Variants in ZNF804B observed in about 807,000 individuals in gnomAD.
ZNF804B encodes the protein zinc finger protein 804B.
Under a neutral mutation model 101.4 loss-of-function variants are expected in ZNF804B, and 80 were observed. The observed-to-expected ratio is 0.79, with a 90% CI of 0.66 to 0.95. ZNF804B has a LOEUF of 0.95. Ranked by LOEUF, ZNF804B falls within the 40% of genes least tolerant of loss-of-function variation. The probability of loss-of-function intolerance (pLI) is 0.00; values close to 1 mark genes in which losing one functional copy is unlikely to be tolerated. For synonymous variants in ZNF804B, 622 were observed against 558.8 expected, an observed-to-expected ratio of 1.11 and a Z score of -1.59; for missense variants, 1,673 against 1,561.9, an observed-to-expected ratio of 1.07 and a Z score of -1.20.
At chr7:89,011,658 A>G (rs537000431) in intron 1 of ZNF804B, among the ~76,000 whole-genome samples, 1 of 152,292 alleles carries the variant, frequency 6.6e-6, no homozygotes, top group South Asian at 2.1e-4. Flanking sequence ...TTAAAGTTCC[A>G]AAATGATCTC....
chr7:89,330,950 G>A (rs1462713775), intron 3 of ZNF804B, among the ~76,000 whole-genome samples: 1 of 150,782 alleles, frequency 6.6e-6, no homozygotes, highest in Non-Finnish European at 1.5e-5. Flanking sequence ...GCAAGAAAAT[G>A]AATAAAACAG....
chr7:88,919,295 TG>T (rs1792684721), intron 1 of ZNF804B, among the ~76,000 whole-genome samples: 2 of 152,062 alleles, frequency 1.3e-5, no homozygotes, highest in Non-Finnish European at 1.5e-5. Flanking sequence ...ATTGAATTGA[TG>T]GGTAATATGA....
chr7:89,174,288 A>G (rs997001806), intron 1 of ZNF804B, among the ~76,000 whole-genome samples: 1 of 151,976 alleles, frequency 6.6e-6, no homozygotes, highest in East Asian at 1.9e-4. Context: ...TCTACTCTCC[A>G]TCTCCCTGAG....
chr7:89,299,368 A>C (rs1241389699), intron 2 of ZNF804B, among the ~76,000 whole-genome samples: 1 of 152,010 alleles, frequency 6.6e-6, no homozygotes, highest in African/African-American at 2.4e-5. Context: ...ATGTTGCTAG[A>C]TTGCAATTCA....
intron 1 of ZNF804B, among the ~76,000 whole-genome samples, chr7:89,167,038 A>G (rs1020167582): frequency 6.6e-6 from 1 of 152,180 alleles, no homozygotes; most frequent in Non-Finnish European, 1.5e-5. Context: ...AAATGATAAA[A>G]TAGACTAATT....
chr7:88,808,921 A>G (rs372613768), intron 1 of ZNF804B, among the ~76,000 whole-genome samples: 135 of 152,314 alleles, frequency 8.9e-4, no homozygotes, highest in African/African-American at 3.1e-3. Flanking sequence ...ATAGTCAGCA[A>G]CTGGGTTGAA....
intron 1 of ZNF804B, among the ~76,000 whole-genome samples, chr7:89,194,488 T>C (rs1323348765): frequency 6.6e-6 from 1 of 150,704 alleles, no homozygotes; most frequent in African/African-American, 2.5e-5. Context: ...TTAATTTTTG[T>C]ATAAGGTGTA....
chr7:88,915,969 A>G (rs1483354599), intron 1 of ZNF804B, among the ~76,000 whole-genome samples: 1 of 152,004 alleles, frequency 6.6e-6, no homozygotes, highest in African/African-American at 2.4e-5. Context: ...AATGGCTCCT[A>G]TAATGTATAT....
At chr7:88,955,479 A>G (rs575447367) in intron 1 of ZNF804B, among the ~76,000 whole-genome samples, 5 of 151,784 alleles carry the variant, frequency 3.3e-5, no homozygotes, top group South Asian at 2.1e-4. Context: ...GTATATTTCA[A>G]TCTCATATTC....
chr7:88,762,687 A>G (rs1349172217), intron 1 of ZNF804B, among the ~76,000 whole-genome samples: 1 of 150,796 alleles, frequency 6.6e-6, no homozygotes, highest in East Asian at 2.0e-4. Context: ...TTAAAAAAAC[A>G]TAGCTACTCT....
chr7:89,237,627 G>T (rs1789305041), intron 2 of ZNF804B, among the ~76,000 whole-genome samples: 2 of 152,192 alleles, frequency 1.3e-5, no homozygotes, highest in South Asian at 4.1e-4. Context: ...AGAAGCTGTA[G>T]TGGGGTAGTC....
At chr7:89,111,726 C>G (rs568042225) in intron 1 of ZNF804B, among the ~76,000 whole-genome samples, 35 of 152,166 alleles carry the variant, frequency 2.3e-4, no homozygotes, top group Admixed American at 2.2e-3. Flanking sequence ...TAAAAATCAA[C>G]TTATTAATTT....
intron 1 of ZNF804B, among the ~76,000 whole-genome samples, chr7:89,008,553 A>C (rs898643784): frequency 6.6e-6 from 1 of 152,028 alleles, no homozygotes; most frequent in African/African-American, 2.4e-5. Context: ...TTCCCCCAAC[A>C]CTGTCCCTCA....
chr7:89,115,315 C>G (rs986804611), intron 1 of ZNF804B, among the ~76,000 whole-genome samples: 3 of 152,196 alleles, frequency 2.0e-5, no homozygotes, highest in African/African-American at 7.2e-5. Flanking sequence ...GAGAGCTTTA[C>G]TCTTAACAGG....
intron 1 of ZNF804B, among the ~76,000 whole-genome samples, chr7:89,114,556 G>A (rs1203927589): frequency 6.6e-6 from 1 of 152,174 alleles, no homozygotes; most frequent in African/African-American, 2.4e-5. Context: ...GATATCTGGT[G>A]CCACTAGTTT....
At chr7:89,208,862 A>G (rs2115671865) in intron 1 of ZNF804B, among the ~76,000 whole-genome samples, 1 of 151,794 alleles carries the variant, frequency 6.6e-6, no homozygotes, top group South Asian at 2.1e-4. Flanking sequence ...AATACAAAAA[A>G]TTAGCCGGGC....
chr7:89,153,604 A>G (rs1790911585), intron 1 of ZNF804B, among the ~76,000 whole-genome samples: 1 of 152,080 alleles, frequency 6.6e-6, no homozygotes, highest in Non-Finnish European at 1.5e-5. Flanking sequence ...GCAAAGAAAA[A>G]TTTAACATTT....
rs1316538413 is a variant in ZNF804B, at chr7:89,262,202, C to G, written c.249+43907C>G. On this transcript the variant is annotated intron_variant, in intron 2 of 3. Coordinates refer to ENST00000333190, the MANE Select transcript of ZNF804B (RefSeq NM_181646.5). The stretch of plus-strand genomic sequence containing the variant: ...AAGAATCTATCAAGTAGAGCTGGAT[C>G]AAGTGTAATTTTGGTTTGTTTTATT... 4.6e-5 allele frequency among the ~76,000 whole-genome samples: 7 copies of G among 152,334 alleles called. No individual in the cohort carries two copies. In the South Asian group the frequency reaches 1.4e-3, roughly 32 times the overall value.
chr7:89,055,344 A>G (rs1789273898), intron 1 of ZNF804B, among the ~76,000 whole-genome samples: 2 of 152,158 alleles, frequency 1.3e-5, no homozygotes, highest in South Asian at 4.1e-4. Context: ...TGTAAGTTCA[A>G]TGAGAAGCCA....
Sources: gnomAD v4.1 joint callset for allele counts (sites outside exome capture counted in the v4.1 genomes callset) on GRCh38, gnomAD v4.1.1 for gene constraint, MANE v1.5 for transcripts, NCBI Gene and HGNC (gene_info 2026-07-23, HGNC 2026-07-21) for gene names.